The following TANK variants were observed in gnomAD, a reference collection of about 807,000 sequenced individuals.
TANK encodes TRAF family member-associated NF-kappa-B activator.
In TANK, 15 loss-of-function variants were observed where a neutral mutation model predicts 43.6. That is an observed-to-expected ratio of 0.34 (90% CI 0.23 to 0.53). The LOEUF is 0.53. TANK is among the 20% of genes least tolerant of loss of function. The pLI, the probability that TANK is intolerant of heterozygous loss-of-function variation, is 0.94. For missense variants in TANK, 417 were observed against 498.6 expected, an observed-to-expected ratio of 0.84 and a Z score of 1.56; for synonymous variants, 162 against 178.2, an observed-to-expected ratio of 0.91 and a Z score of 0.73.
At chr2:161,218,409 G>T (rs920079642) in intron 4 of TANK, among the ~76,000 whole-genome samples, 1 of 152,216 alleles carries the variant, frequency 6.6e-6, no homozygotes, top group African/African-American at 2.4e-5. Context: ...TGGCTAAGTA[G>T]TTAAAGCTAC....
At chr2:161,174,136 T>A (rs966243303) in intron 1 of TANK, among the ~76,000 whole-genome samples, 13 of 152,194 alleles carry the variant, frequency 8.5e-5, no homozygotes, top group African/African-American at 3.1e-4. Context: ...ATATATGGTC[T>A]CAATTTTTAT....
intron 7 of TANK, among the ~76,000 whole-genome samples, chr2:161,233,732 A>G (rs1225232787): frequency 6.6e-6 from 1 of 152,066 alleles, no homozygotes; most frequent in Non-Finnish European, 1.5e-5. Flanking sequence ...TGGCTTACCA[A>G]ATTTAGAAGC....
chr2:161,167,536 C>T (rs575135440), intron 1 of TANK, among the ~76,000 whole-genome samples: 8 of 152,240 alleles, frequency 5.3e-5, no homozygotes, highest in Admixed American at 2.6e-4. Flanking sequence ...TAAAGGTTGA[C>T]GACAGCTGCC....
chr2:161,155,212 C>A (rs1291836686), intron 1 of TANK, among the ~76,000 whole-genome samples: 1 of 152,002 alleles, frequency 6.6e-6, no homozygotes, highest in Non-Finnish European at 1.5e-5. Flanking sequence ...TTCCTGCCAC[C>A]TCTCTCCCAC....
chr2:161,167,861 T>G lies in TANK; in HGVS notation c.-50+7375T>G, dbSNP rs1291474588. 2.0e-5 allele frequency among the ~76,000 whole-genome samples: 3 copies of G among 152,154 alleles called. 1 individual carries two copies. The highest frequency in any genetic ancestry group is 4.1e-4 in the South Asian group (2 of 4,824). The stretch of plus-strand genomic sequence containing the variant: ...GGATGGTCTCGATCTCCTGACCTTG[T>G]GATACGCTCGCCTCGGCCTCCCAGA... On this transcript the variant is annotated intron_variant, in intron 1 of 7. Transcript: ENST00000392749.
intron 2 of TANK, chr2:161,197,241 T>A (rs1686194848): frequency 6.6e-6 from 1 of 152,266 alleles, no homozygotes; most frequent in South Asian, 2.1e-4. Context: ...TTTATAACTA[T>A]AGCCATTAAT....
chr2:161,147,397 G>T (rs1422306378), intron 1 of TANK, among the ~76,000 whole-genome samples: 1 of 150,612 alleles, frequency 6.6e-6, no homozygotes, highest in East Asian at 2.0e-4. Context: ...TAGCTGAGTG[G>T]CTGTTGAGAA....
intron 4 of TANK, among the ~76,000 whole-genome samples, chr2:161,209,520 A>G (rs1280466492): frequency 6.6e-6 from 1 of 152,168 alleles, no homozygotes; most frequent in Non-Finnish European, 1.5e-5. Flanking sequence ...CACTTATATA[A>G]TCTCAGAAAT....
At chr2:161,161,614 T>A in intron 1 of TANK, 1 of 809,448 alleles carries the variant, frequency 1.2e-6, no homozygotes, top group African/African-American at 1.7e-5. Flanking sequence ...AAAATGAGAT[T>A]ATGCATACTG....
chr2:161,166,322 A>G lies in TANK; in HGVS notation c.-50+5836A>G, dbSNP rs116532674. Reference sequence around the variant, plus strand: ...GGTATATTCATGACCAAAGTTTACAATGTGGAAGGAGAATAGAAATGCAAG... The same window carrying G: ...GGTATATTCATGACCAAAGTTTACAGTGTGGAAGGAGAATAGAAATGCAAG... On this transcript the variant is annotated intron_variant, in intron 1 of 7. Transcript: ENST00000392749. Among the ~76,000 whole-genome samples, 785 of 152,380 alleles carry G rather than the reference A, an allele frequency of 5.2e-3. 7 individuals are homozygous for G. The highest frequency in any genetic ancestry group is 0.017 in the African/African-American group (726 of 41,592).
upstream of TANK, among the ~76,000 whole-genome samples, chr2:161,159,452 T>C (rs945698026): frequency 6.6e-5 from 10 of 152,356 alleles, no homozygotes; most frequent in African/African-American, 1.9e-4. Flanking sequence ...CAATTACTTA[T>C]TACAAGAAAA....
At chr2:161,160,382 G>A (rs1029719745), upstream of TANK, 107 of 1,224,796 alleles carry the variant, frequency 8.7e-5, no homozygotes, top group East Asian at 1.4e-3. Context: ...CCGCGCGCAG[G>A]CACTGCCCTC....
intron 2 of TANK, among the ~76,000 whole-genome samples, chr2:161,183,085 T>G (rs1039856046): frequency 1.3e-5 from 2 of 152,164 alleles, no homozygotes; most frequent in Admixed American, 1.3e-4. Flanking sequence ...ATTATTAGCT[T>G]CTTCCTTAAA....
chr2:161,160,431 C>T lies in TANK; in HGVS notation c.-105C>T, dbSNP rs978733473. 1.6e-6 allele frequency: 2 copies of T among 1,240,542 alleles called. No individual in the cohort carries two copies. Among genetic ancestry groups the T allele is most frequent in the East Asian group, 3.1e-5 (1 of 32,010 alleles). 76.8% of individuals were successfully genotyped at this position (1,240,542 alleles called of 1,614,324 possible). A position where few individuals can be genotyped will look rare whatever the true frequency, so the allele number is the denominator to read the frequency against. On this transcript the variant is annotated 5_prime_UTR_variant, in exon 1 of 8. Coordinates refer to ENST00000392749, the MANE Select transcript of TANK (RefSeq NM_001199135.3). Reference sequence around the variant, plus strand: ...AATGCAACTTCCGGTTGGAGTCACTCGGCCAGGCGCCGGCGACCTGAGGGG... The same window carrying T: ...AATGCAACTTCCGGTTGGAGTCACTTGGCCAGGCGCCGGCGACCTGAGGGG...
chr2:161,174,601 A>C (rs2105283417), intron 1 of TANK, among the ~76,000 whole-genome samples: 1 of 152,304 alleles, frequency 6.6e-6, no homozygotes, highest in African/African-American at 2.4e-5. Context: ...ATAGTTTGGT[A>C]ATGTTATACA....
intron 1 of TANK, among the ~76,000 whole-genome samples, chr2:161,175,119 G>A (rs2105284663): frequency 6.6e-6 from 1 of 152,194 alleles, no homozygotes; most frequent in South Asian, 2.1e-4. Context: ...TATACTATAT[G>A]CTTCAAGTTA....
intron 4 of TANK, among the ~76,000 whole-genome samples, chr2:161,210,330 A>G (rs1017020675): frequency 6.6e-6 from 1 of 152,200 alleles, no homozygotes; most frequent in Non-Finnish European, 1.5e-5. Context: ...TTGAACTCCT[A>G]TTTGCCAAGC....
upstream of TANK, chr2:161,156,367 G>GT (rs970826857): frequency 2.1e-5 from 21 of 985,134 alleles, no homozygotes; most frequent in African/African-American, 3.7e-4. Context: ...TCCAACTTTG[G>GT]TTTTATTTCA....
chr2:161,145,402 G>A lies in TANK; in HGVS notation c.-50+8339G>A, dbSNP rs1010969450. Among the ~76,000 whole-genome samples the A allele has an allele frequency of 3.3e-5, 5 of 151,892 alleles. No individual in the cohort carries two copies. In the South Asian group the frequency reaches 8.3e-4, roughly 25 times the overall value. ...CTGGTTATTTTGCACACTAGTTGAT[G>A]CAGTTTTTTCATAGTGTCATTGGTC... is the stretch of plus-strand genomic sequence containing the variant. On this transcript the variant is annotated intron_variant, in intron 1 of 7. Transcript: ENST00000259075.
Sources: allele counts gnomAD v4.1 joint callset (sites outside exome capture counted in the v4.1 genomes callset), GRCh38; gene constraint gnomAD v4.1.1; transcripts MANE v1.5; gene names NCBI Gene and HGNC (gene_info 2026-07-23, HGNC 2026-07-21).